ADORA1: variants seen among roughly 807,000 people sequenced by gnomAD.
ADORA1 encodes adenosine A1 receptor.
A neutral mutation model predicts 19.9 loss-of-function variants in ADORA1; 6 were observed. The observed-to-expected ratio is 0.30, with a 90% CI of 0.17 to 0.59. The LOEUF is 0.59. Among genes scored for constraint, ADORA1 ranks in the 20% least tolerant of loss-of-function variants. The pLI is 0.87. For synonymous variants in ADORA1, 194 were observed against 188.4 expected (o/e 1.03, Z -0.24); for missense variants, 302 against 439.2 (o/e 0.69, Z 2.79).
At chr1:203,149,915 G>A (rs1406334448) in intron 3 of ADORA1, 3 of 150,550 alleles carry the variant, frequency 2.0e-5, no homozygotes, top group Admixed American at 6.6e-5. Flanking sequence ...GGTTTTAATC[G>A]AGCATTTTAT....
chr1:203,138,335 A>G (rs978704840), intron 3 of ADORA1, among the ~76,000 whole-genome samples: 2 of 152,206 alleles, frequency 1.3e-5, no homozygotes, highest in Non-Finnish European at 2.9e-5. Context: ...TGTAAATGTG[A>G]GAGCTATGGC....
intron 3 of ADORA1, among the ~76,000 whole-genome samples, chr1:203,146,691 C>G (rs1193513617): frequency 6.6e-6 from 1 of 151,812 alleles, no homozygotes; most frequent in African/African-American, 2.4e-5. Flanking sequence ...GAAATCAGCA[C>G]TGGCCAAGCT....
chr1:203,165,924 C>T lies in ADORA1; in HGVS notation c.*24C>T. Reference sequence around the variant, plus strand: ...AGACCCCGCCTTCCGCTCCCACCAGCCCACATCCAGTGGGGTCTCAGTCCA... The same window carrying T: ...AGACCCCGCCTTCCGCTCCCACCAGTCCACATCCAGTGGGGTCTCAGTCCA... On this transcript the variant is annotated 3_prime_UTR_variant, in exon 4 of 4. Coordinates refer to ENST00000337894, the MANE Select transcript of ADORA1 (RefSeq NM_000674.3). The surrounding 1 kb of genome is among the most constrained non-coding windows in gnomAD (Gnocchi z 5.9). 1 of 1,530,306 alleles carries T rather than the reference C, an allele frequency of 6.5e-7. No homozygotes were observed. Among genetic ancestry groups the T allele is most frequent in the Middle Eastern group, 1.8e-4 (1 of 5,642 alleles). The allele number at this position is 1,530,306 out of a possible 1,614,324, so 94.8% of individuals were successfully genotyped here.
At chr1:203,146,029 T>C (rs966621446) in intron 3 of ADORA1, among the ~76,000 whole-genome samples, 5 of 152,088 alleles carry the variant, frequency 3.3e-5, no homozygotes, top group African/African-American at 1.2e-4. Flanking sequence ...AAATGTCGGA[T>C]GGGCACCTCC....
intron 3 of ADORA1, among the ~76,000 whole-genome samples, chr1:203,163,004 CCTATGTTCCTTTGGT>C: frequency 6.6e-6 from 1 of 152,192 alleles, no homozygotes; most frequent in African/African-American, 2.4e-5. Context: ...TTCAGAATGA[CCTATGTTCCTTTGGT>C]CTTTGCCCGT....
chr1:203,136,760 ACTTAC>A (rs1177940174), intron 3 of ADORA1, among the ~76,000 whole-genome samples: 4 of 152,138 alleles, frequency 2.6e-5, no homozygotes, highest in African/African-American at 9.7e-5. Context: ...GGCTCTTTGA[ACTTAC>A]CTTCTTGCCT....
chr1:203,143,572 G>A (rs1654766574), intron 3 of ADORA1, among the ~76,000 whole-genome samples: 1 of 151,862 alleles, frequency 6.6e-6, no homozygotes, highest in African/African-American at 2.4e-5. Context: ...TGTGTGCAGG[G>A]GGTTATAGCT....
intron 3 of ADORA1, among the ~76,000 whole-genome samples, chr1:203,134,349 G>C (rs1229998839): frequency 1.3e-5 from 2 of 152,210 alleles, no homozygotes; most frequent in Non-Finnish European, 2.9e-5. Flanking sequence ...AGGCTTAGAG[G>C]GGAATGAGGC....
intron 3 of ADORA1, among the ~76,000 whole-genome samples, chr1:203,160,755 T>G (rs1655337285): frequency 6.6e-6 from 1 of 152,142 alleles, no homozygotes; most frequent in African/African-American, 2.4e-5. Context: ...AGGTCACAGT[T>G]AACTGTGATT....
rs747158352 is a variant in ADORA1, at chr1:203,129,102, C to A, written c.261C>A (p.Val87=). ...CCTGCCTCATGGTTGCCTGTCCGGT[C>A]CTCATCCTCACCCAGAGCTCCATCC... ...FHTCLMVACP[V]LILTQSSILA... is the part of the protein sequence containing the mutation. Residue 87 remains valine (V), a synonymous_variant, in exon 3 of 4, where the codon GTC becomes GTA. Coordinates refer to ENST00000337894, the MANE Select transcript of ADORA1 (RefSeq NM_000674.3). 1 of 1,614,070 alleles carries A rather than the reference C, an allele frequency of 6.2e-7. No individual in the cohort carries two copies. The highest frequency in any genetic ancestry group is 2.2e-5 in the East Asian group (1 of 44,894).
At chr1:203,143,432 A>G (rs1195620748) in intron 3 of ADORA1, among the ~76,000 whole-genome samples, 1 of 152,004 alleles carries the variant, frequency 6.6e-6, no homozygotes, top group Non-Finnish European at 1.5e-5. Flanking sequence ...CAACACATGA[A>G]ATTTGGGTGA....
chr1:203,153,307 T>C (rs1387747709), intron 3 of ADORA1, among the ~76,000 whole-genome samples: 4 of 152,196 alleles, frequency 2.6e-5, no homozygotes, highest in African/African-American at 9.7e-5. Context: ...TCTATGTTTA[T>C]TCTGCTCACG....
chr1:203,131,416 A>G (rs1339740100), intron 3 of ADORA1, among the ~76,000 whole-genome samples: 1 of 152,248 alleles, frequency 6.6e-6, no homozygotes, highest in Non-Finnish European at 1.5e-5. Flanking sequence ...CAGAATGCCC[A>G]GCTCAGTGTC....
intron 3 of ADORA1, among the ~76,000 whole-genome samples, chr1:203,158,547 G>A (rs2102762847): frequency 6.6e-6 from 1 of 152,210 alleles, no homozygotes; most frequent in African/African-American, 2.4e-5. Flanking sequence ...TGGCAGTCTG[G>A]GCATTTTTTA....
chr1:203,159,919 G>T (rs893118061), intron 3 of ADORA1, among the ~76,000 whole-genome samples: 1 of 152,224 alleles, frequency 6.6e-6, no homozygotes, highest in Non-Finnish European at 1.5e-5. Flanking sequence ...TTTGCAGGAG[G>T]AGTGAGGCTC....
At chr1:203,149,631 G>A (rs919163624) in intron 3 of ADORA1, among the ~76,000 whole-genome samples, 3 of 152,216 alleles carry the variant, frequency 2.0e-5, no homozygotes, top group Admixed American at 6.5e-5. Flanking sequence ...CTGAGTGGTT[G>A]AGGCGGGACC....
At chr1:203,143,520 T>A (rs1654761855) in intron 3 of ADORA1, among the ~76,000 whole-genome samples, 1 of 151,296 alleles carries the variant, frequency 6.6e-6, no homozygotes, top group Non-Finnish European at 1.5e-5. Flanking sequence ...GTGGGGTGTG[T>A]GTATTCACAT....
chr1:203,158,983 C>G (rs1290004278), intron 3 of ADORA1, among the ~76,000 whole-genome samples: 1 of 152,218 alleles, frequency 6.6e-6, no homozygotes, highest in Non-Finnish European at 1.5e-5. Context: ...ATCTAATTAC[C>G]TCTTAAAGTC....
At chr1:203,141,917 G>A (rs745636062) in intron 3 of ADORA1, among the ~76,000 whole-genome samples, 7 of 152,072 alleles carry the variant, frequency 4.6e-5, no homozygotes, top group Non-Finnish European at 8.8e-5. Context: ...CCCTTTCCAA[G>A]AGACATCTTC....
Sources: gnomAD v4.1 joint callset for allele counts (sites outside exome capture counted in the v4.1 genomes callset) on GRCh38, gnomAD v4.1.1 for gene constraint, Gnocchi (gnomAD v3.1) non-coding constraint, MANE v1.5 for transcripts, NCBI Gene and HGNC (gene_info 2026-07-23, HGNC 2026-07-21) for gene names.